LRP1B: variants seen among roughly 807,000 people sequenced by gnomAD.
LRP1B encodes the protein LDL receptor related protein 1B.
LRP1B carries 217 observed loss-of-function variants against 556.6 expected under a neutral mutation model. The observed-to-expected ratio is 0.39, with a 90% CI of 0.35 to 0.44. LRP1B has a LOEUF of 0.44. Ranked by LOEUF, LRP1B falls within the 20% of genes least tolerant of loss-of-function variation. The pLI, the probability that LRP1B is intolerant of heterozygous loss-of-function variation, is 1.00. For synonymous variants in LRP1B, 2,047 were observed against 1,865.8 expected, an observed-to-expected ratio of 1.10 and a Z score of -2.50; for missense variants, 5,053 against 5,620.8, an observed-to-expected ratio of 0.90 and a Z score of 3.23.
At chr2:141,190,316 G>A (rs1202125156) in intron 6 of LRP1B, among the ~76,000 whole-genome samples, 1 of 151,970 alleles carries the variant, frequency 6.6e-6, no homozygotes, top group Non-Finnish European at 1.5e-5. Flanking sequence ...CTGCTGTCAA[G>A]TTTATTCCAG....
chr2:140,331,022 G>C (rs189660380), intron 79 of LRP1B, among the ~76,000 whole-genome samples: 1 of 152,108 alleles, frequency 6.6e-6, no homozygotes, highest in East Asian at 1.9e-4. Flanking sequence ...CTATTAGATA[G>C]TACTACAATA....
intron 43 of LRP1B, among the ~76,000 whole-genome samples, chr2:140,589,704 T>C (rs1022314956): frequency 6.6e-6 from 1 of 152,234 alleles, no homozygotes; most frequent in African/African-American, 2.4e-5. Context: ...GGAAATGCAC[T>C]ATATAATTCC....
At chr2:140,361,381 A>ATATATATATAT (rs1682507591) in intron 72 of LRP1B, among the ~76,000 whole-genome samples, 1 of 33,846 alleles carries the variant, frequency 3.0e-5, no homozygotes, top group Non-Finnish European at 7.3e-5. Context: ...TATATATATA[A>ATATATATATAT]CAAAAATAAG....
chr2:140,443,280 C>T (rs993690073), intron 65 of LRP1B, among the ~76,000 whole-genome samples: 20 of 152,178 alleles, frequency 1.3e-4, no homozygotes, highest in East Asian at 5.8e-4. Context: ...AGGCTCATCT[C>T]GAACTCCTGA....
intron 2 of LRP1B, among the ~76,000 whole-genome samples, chr2:141,536,082 A>T (rs1353204261): frequency 6.6e-6 from 1 of 152,116 alleles, no homozygotes; most frequent in Non-Finnish European, 1.5e-5. Flanking sequence ...ATAAACAGTA[A>T]ATGTTGAAAA....
At chr2:141,085,845 A>G (rs999085127) in intron 7 of LRP1B, among the ~76,000 whole-genome samples, 1 of 152,190 alleles carries the variant, frequency 6.6e-6, no homozygotes, top group Non-Finnish European at 1.5e-5. Flanking sequence ...GTTGTTTTTC[A>G]TCTCTTTCAC....
intron 3 of LRP1B, among the ~76,000 whole-genome samples, chr2:141,342,010 C>T (rs4622648): frequency 0.6 from 90,955 of 151,438 alleles, 28,180 homozygotes; most frequent in African/African-American, 0.68. Context: ...TTTGGGAGGC[C>T]GAGGCGGGCG....
At chr2:141,551,192 A>G (rs1242732994) in intron 2 of LRP1B, among the ~76,000 whole-genome samples, 1 of 152,006 alleles carries the variant, frequency 6.6e-6, no homozygotes, top group African/African-American at 2.4e-5. Context: ...ACTGTAGCTA[A>G]TAATTGTGAT....
intron 43 of LRP1B, among the ~76,000 whole-genome samples, chr2:140,555,628 C>T (rs1443828853): frequency 6.6e-6 from 1 of 151,950 alleles, no homozygotes; most frequent in East Asian, 1.9e-4. Flanking sequence ...GTTAAATAAG[C>T]TTTAAAATCT....
intron 1 of LRP1B, among the ~76,000 whole-genome samples, chr2:141,815,556 T>C (rs1386991153): frequency 6.6e-6 from 1 of 151,598 alleles, no homozygotes; most frequent in African/African-American, 2.4e-5. Flanking sequence ...CACCAATCAG[T>C]GCTCTGTAAA....
chr2:140,830,948 C>T (rs962200149), intron 31 of LRP1B, among the ~76,000 whole-genome samples: 2 of 151,910 alleles, frequency 1.3e-5, no homozygotes, highest in Non-Finnish European at 2.9e-5. Flanking sequence ...GAAACAATCC[C>T]ATATGCAATT....
chr2:141,891,750 T>C (rs1422673870), intron 1 of LRP1B, among the ~76,000 whole-genome samples: 7 of 152,118 alleles, frequency 4.6e-5, no homozygotes, highest in African/African-American at 7.2e-5. Flanking sequence ...CCTCTGTCTG[T>C]ACTTAGATAT....
intron 20 of LRP1B, among the ~76,000 whole-genome samples, chr2:140,940,385 G>A (rs747338460): frequency 6.6e-6 from 1 of 152,054 alleles, no homozygotes; most frequent in Admixed American, 6.6e-5. Context: ...AATGAGATGA[G>A]ATTAATTTTA....
rs192103492 is a variant in LRP1B at position 141,863,813 on chromosome 2, C to T, written c.83-53412G>A. On this transcript the variant is annotated intron_variant, in intron 1 of 90. Transcript: ENST00000389484. ...TTGTCTTTTCATTATACTACACCAA[C>T]TTCTAGTATATTAAAAGTTCCAATA... Among the ~76,000 whole-genome samples the T allele has an allele frequency of 8.9e-4, 136 of 152,114 alleles. No homozygotes were observed. The Middle Eastern group carries it at 0.01, about 11-fold the overall frequency.
intron 84 of LRP1B, among the ~76,000 whole-genome samples, chr2:140,275,378 T>C (rs1682627738): frequency 6.6e-6 from 1 of 152,002 alleles, no homozygotes; most frequent in Non-Finnish European, 1.5e-5. Flanking sequence ...TGTCTTAAGT[T>C]TTCATTTCTA....
chr2:140,496,140 A>AT (rs1323388163), intron 55 of LRP1B, among the ~76,000 whole-genome samples: 1 of 152,104 alleles, frequency 6.6e-6, no homozygotes, highest in Non-Finnish European at 1.5e-5. Context: ...AGTTTTGAAA[A>AT]TTTTTAACAT....
At chr2:141,743,981 T>C (rs1693819970) in intron 2 of LRP1B, among the ~76,000 whole-genome samples, 2 of 152,032 alleles carry the variant, frequency 1.3e-5, no homozygotes, top group South Asian at 4.1e-4. Flanking sequence ...ATTGTTTTAT[T>C]TCAATTTCAT....
At chr2:140,762,734 C>T (rs1181816822) in intron 35 of LRP1B, among the ~76,000 whole-genome samples, 1 of 152,022 alleles carries the variant, frequency 6.6e-6, no homozygotes. Flanking sequence ...AGCCCATAAA[C>T]AAATTAAATA....
chr2:140,914,860 A>G (rs532240265), intron 21 of LRP1B, among the ~76,000 whole-genome samples: 1 of 152,340 alleles, frequency 6.6e-6, no homozygotes, highest in East Asian at 1.9e-4. Context: ...GAGGTGCAGT[A>G]CTAGTAGTGA....
Sources: allele counts gnomAD v4.1 joint callset (sites outside exome capture counted in the v4.1 genomes callset), GRCh38; gene constraint gnomAD v4.1.1; transcripts MANE v1.5; gene names NCBI Gene and HGNC (gene_info 2026-07-23, HGNC 2026-07-21).